Variants in FAM168B observed in about 807,000 individuals in gnomAD.
FAM168B encodes the protein myelin-associated neurite-outgrowth inhibitor.
FAM168B carries 19 observed loss-of-function variants against 21.8 expected under a neutral mutation model. The ratio of observed to expected loss-of-function variants is 0.87; its 90% confidence interval spans 0.61 to 1.28. The LOEUF (loss-of-function observed/expected upper bound fraction) is 1.28, where lower values mean the gene tolerates loss of function less well. FAM168B is among the 50% of genes most tolerant of loss of function. FAM168B has a pLI of 0.00. For missense variants in FAM168B, 233 were observed against 263.1 expected, an observed-to-expected ratio of 0.89 and a Z score of 0.79; for synonymous variants, 126 against 104.8, an observed-to-expected ratio of 1.20 and a Z score of -1.24.
intron 3 of FAM168B, among the ~76,000 whole-genome samples, chr2:131,068,960 G>A (rs993108787): frequency 6.6e-6 from 1 of 152,214 alleles, no homozygotes; most frequent in African/African-American, 2.4e-5. Context: ...AGGCTGCAGT[G>A]AGGCGTGATT....
chr2:131,051,373 T>G lies in FAM168B; in HGVS notation c.*1092A>C. On this transcript the variant is annotated 3_prime_UTR_variant, in exon 7 of 7. Transcript: ENST00000389915. Reference sequence around the variant, plus strand: ...AAAGTTTTGTTCCCTTTTAACTCATTCTTAAATATACCACTTTCTTCATAA... The same window carrying G: ...AAAGTTTTGTTCCCTTTTAACTCATGCTTAAATATACCACTTTCTTCATAA... 1.0e-6 allele frequency: 1 copy of G among 985,352 alleles called. No homozygotes were observed. The highest frequency in any genetic ancestry group is 1.2e-6 in the Non-Finnish European group (1 of 829,918). The allele number at this position is 985,352 out of a possible 1,614,324, so 61.0% of individuals were successfully genotyped here.
chr2:131,057,127 G>C (rs570959706), intron 3 of FAM168B, among the ~76,000 whole-genome samples: 1 of 152,168 alleles, frequency 6.6e-6, no homozygotes, highest in Non-Finnish European at 1.5e-5. Flanking sequence ...GTCCGTGTCA[G>C]ACAGTGCAAC....
chr2:131,089,649 C>T (rs545274762), intron 1 of FAM168B, among the ~76,000 whole-genome samples: 1 of 150,110 alleles, frequency 6.7e-6, no homozygotes, highest in East Asian at 2.0e-4. Flanking sequence ...ACCCGGAAGG[C>T]GGAGCTTGCA....
Position 131,050,050 on chromosome 2 carries a change from C to G in FAM168B, c.*2415G>C. On this transcript the variant is annotated 3_prime_UTR_variant, in exon 7 of 7. Coordinates refer to ENST00000389915, the MANE Select transcript of FAM168B (RefSeq NM_001009993.4). ...GCAATGCAAACTTATTTCATAAAGC[C>G]TCTCAACTTCATAAAAGGGAAAAAA... The G allele has an allele frequency of 3.0e-6, 3 of 985,458 alleles. No individual in the cohort carries two copies. Among genetic ancestry groups the G allele is most frequent in the Non-Finnish European group, 3.6e-6 (3 of 829,926 alleles). The allele number at this position is 985,458 out of a possible 1,614,324, so 61.0% of individuals were successfully genotyped here.
intron 2 of FAM168B, among the ~76,000 whole-genome samples, chr2:131,075,527 C>T (rs749188634): frequency 5.3e-5 from 8 of 150,872 alleles, no homozygotes; most frequent in Non-Finnish European, 1.0e-4. Context: ...CGGAGTCTTG[C>T]TCTGTCGCCC....
intron 1 of FAM168B, among the ~76,000 whole-genome samples, chr2:131,093,008 C>A (rs1694114542): frequency 6.6e-6 from 1 of 151,726 alleles, no homozygotes; most frequent in Non-Finnish European, 1.5e-5. Context: ...GCCGCCCGGA[C>A]CGCACCTGCA....
At chr2:131,088,615 T>A (rs542001151) in intron 1 of FAM168B, among the ~76,000 whole-genome samples, 1 of 152,194 alleles carries the variant, frequency 6.6e-6, no homozygotes, top group Non-Finnish European at 1.5e-5. Flanking sequence ...GTAACAGTAC[T>A]GTGATTATGT....
At chr2:131,059,801 T>G (rs558349658) in intron 3 of FAM168B, among the ~76,000 whole-genome samples, 27 of 152,312 alleles carry the variant, frequency 1.8e-4, no homozygotes, top group Middle Eastern at 3.4e-3. Context: ...AAAAAAATTT[T>G]TAGGTGTGAC....
chr2:131,090,460 A>G (rs1418070947), intron 1 of FAM168B, among the ~76,000 whole-genome samples: 1 of 152,164 alleles, frequency 6.6e-6, no homozygotes, highest in Non-Finnish European at 1.5e-5. Context: ...TTAAAATTTT[A>G]TATCAACAAA....
chr2:131,088,298 A>C (rs983506985), intron 1 of FAM168B, among the ~76,000 whole-genome samples: 1 of 152,104 alleles, frequency 6.6e-6, no homozygotes, highest in Admixed American at 6.6e-5. Flanking sequence ...AGTTTACAAG[A>C]AACGCAGGAG....
At chr2:131,062,550 C>T (rs765503231) in intron 3 of FAM168B, among the ~76,000 whole-genome samples, 1 of 152,176 alleles carries the variant, frequency 6.6e-6, no homozygotes, top group Admixed American at 6.5e-5. Context: ...CGGGTTCAAG[C>T]GATTCTTCTA....
chr2:131,056,625 C>T (rs1692037063), intron 3 of FAM168B, among the ~76,000 whole-genome samples: 1 of 152,162 alleles, frequency 6.6e-6, no homozygotes, highest in African/African-American at 2.4e-5. Context: ...CTCTGGACAG[C>T]TATGTTCACA....
At chr2:131,080,032 A>T (rs189013240) in intron 2 of FAM168B, among the ~76,000 whole-genome samples, 10 of 151,610 alleles carry the variant, frequency 6.6e-5, no homozygotes, top group Non-Finnish European at 1.3e-4. Flanking sequence ...CAGGAGAATC[A>T]CCTGAACGCG....
At chr2:131,068,987 G>A (rs1283051786) in intron 3 of FAM168B, among the ~76,000 whole-genome samples, 1 of 152,210 alleles carries the variant, frequency 6.6e-6, no homozygotes, top group African/African-American at 2.4e-5. Flanking sequence ...CTGCACTGCA[G>A]CCTGGGCGAC....
intron 1 of FAM168B, among the ~76,000 whole-genome samples, chr2:131,089,502 G>C (rs1437289062): frequency 2.0e-5 from 3 of 151,382 alleles, no homozygotes; most frequent in African/African-American, 7.3e-5. Context: ...GGAGGCCAAG[G>C]CGGGTGGATC....
chr2:131,067,543 C>T (rs1050990145), intron 3 of FAM168B, among the ~76,000 whole-genome samples: 2 of 152,126 alleles, frequency 1.3e-5, no homozygotes, highest in African/African-American at 2.4e-5. Flanking sequence ...GAATTTGAAA[C>T]CAGCTTGGGC....
At position 131,051,187 on chromosome 2, in the gene FAM168B, T is replaced by C. The variant is rs1036792240; in HGVS notation, c.*1278A>G. ...GGAGAGGCTCGCAGACAACAGACACTGGCCTCCCCCTCGCCCCATCTCTAA... is the reference window on the plus strand; with the variant it reads ...GGAGAGGCTCGCAGACAACAGACACCGGCCTCCCCCTCGCCCCATCTCTAA... On this transcript the variant is annotated 3_prime_UTR_variant, in exon 7 of 7. Coordinates refer to ENST00000389915, the MANE Select transcript of FAM168B (RefSeq NM_001009993.4). 1.7e-4 allele frequency: 169 copies of C among 985,200 alleles called. No individual in the cohort carries two copies. The highest frequency in any genetic ancestry group is 3.7e-4 in the Admixed American group (6 of 16,244). 61.0% of individuals were successfully genotyped at this position (985,200 alleles called of 1,614,324 possible). A position where few individuals can be genotyped will look rare whatever the true frequency, so the allele number is the denominator to read the frequency against.
intron 1 of FAM168B, among the ~76,000 whole-genome samples, chr2:131,092,159 A>T (rs1270963956): frequency 1.3e-5 from 2 of 151,752 alleles, no homozygotes; most frequent in Non-Finnish European, 2.9e-5. Flanking sequence ...AAAAAAAAAA[A>T]GTGCTCAATT....
chr2:131,049,131 T>C lies in FAM168B; in HGVS notation c.*3334A>G. 3.0e-6 allele frequency: 3 copies of C among 985,426 alleles called. No individual in the cohort carries two copies. Among genetic ancestry groups the C allele is most frequent in the South Asian group, 9.4e-5 (2 of 21,284 alleles). 61.0% of individuals were successfully genotyped at this position (985,426 alleles called of 1,614,324 possible). ...TACGGGGGCCAACACTGACAGGTAT[T>C]AGTACGTCGCAAGTTGCTGTAATAA... On this transcript the variant is annotated 3_prime_UTR_variant, in exon 7 of 7. Transcript: ENST00000389915.
Sources: gnomAD v4.1 joint callset for allele counts (sites outside exome capture counted in the v4.1 genomes callset) on GRCh38, gnomAD v4.1.1 for gene constraint, MANE v1.5 for transcripts, NCBI Gene and HGNC (gene_info 2026-07-23, HGNC 2026-07-21) for gene names.